The following NDUFAF7 variants were observed in gnomAD, a reference collection of about 807,000 sequenced individuals.
The protein encoded by NDUFAF7 is NADH:ubiquinone oxidoreductase complex assembly factor 7.
A neutral mutation model predicts 47.2 loss-of-function variants in NDUFAF7; 48 were observed. That is an observed-to-expected ratio of 1.02 (90% CI 0.81 to 1.29). NDUFAF7 has a LOEUF of 1.29. NDUFAF7 is among the 50% of genes most tolerant of loss of function. The probability of loss-of-function intolerance (pLI) is 0.00; values close to 1 mark genes in which losing one functional copy is unlikely to be tolerated. For missense variants in NDUFAF7, 635 were observed against 537.6 expected (o/e 1.18, Z -1.79); for synonymous variants, 217 against 190.0 (o/e 1.14, Z -1.17).
At chr2:37,268,485 C>T in the NDUFAF7 span, 4 of 376,854 alleles carry the variant, frequency 1.1e-5, no homozygotes, top group African/African-American at 8.6e-5. Context: ...ATCCAGACAT[C>T]TCACAGCCAA....
Position 37,239,120 on chromosome 2 carries a change from T to C in NDUFAF7, c.408+1253T>C, listed in dbSNP as rs968094529. ...TTAGTACATCCTTTTTTCTTTCTCT[T>C]TTTTTTTTTTTTTTTTGAGACACAG... On this transcript the variant is annotated intron_variant, in intron 4 of 9. Transcript: ENST00000002125. 2.2e-3 allele frequency among the ~76,000 whole-genome samples: 230 copies of C among 106,034 alleles called. 1 individual carries two copies. Among genetic ancestry groups the C allele is most frequent in the African/African-American group, 7.2e-3 (206 of 28,498 alleles). The allele number at this position is 106,034 out of a possible 152,430, so 69.6% of individuals were successfully genotyped here. A position where few individuals can be genotyped will look rare whatever the true frequency, so the allele number is the denominator to read the frequency against.
In NDUFAF7 at chr2:37,248,378, A is replaced by C. The variant is rs374735256; in HGVS notation, c.*28A>C. ...TTTCAGCTTGGACATTTTACCCTTC[A>C]GTCGGCCCAAGAAATCAAAATAAAG... On this transcript the variant is annotated 3_prime_UTR_variant, in exon 10 of 10. Coordinates refer to ENST00000002125, the MANE Select transcript of NDUFAF7 (RefSeq NM_144736.5). 2 of 1,582,974 alleles carry C rather than the reference A, an allele frequency of 1.3e-6. No individual in the cohort carries two copies. Among genetic ancestry groups the C allele is most frequent in the African/African-American group, 1.3e-5 (1 of 74,112 alleles).
chr2:37,249,863 C>T (rs954824955), downstream of NDUFAF7, among the ~76,000 whole-genome samples: 20 of 151,892 alleles, frequency 1.3e-4, no homozygotes, highest in Admixed American at 2.6e-4. Context: ...CTTGAATTTA[C>T]GGCTTAACTG....
the NDUFAF7 span, among the ~76,000 whole-genome samples, chr2:37,266,604 A>T: frequency 2.6e-5 from 4 of 151,996 alleles, no homozygotes; most frequent in African/African-American, 4.8e-5. Flanking sequence ...CTCCTGCCTC[A>T]GCCTCCTGAG....
At chr2:37,255,918 G>A (rs1034372537), downstream of NDUFAF7, among the ~76,000 whole-genome samples, 6 of 152,158 alleles carry the variant, frequency 3.9e-5, no homozygotes, top group African/African-American at 1.4e-4. Context: ...GGAGGCTGAG[G>A]TGGGAGGATC....
At chr2:37,246,026 G>T in intron 7 of NDUFAF7, 26 bp from the exon 8 acceptor site, 1 of 1,612,374 alleles carries the variant, frequency 6.2e-7, no homozygotes, top group Non-Finnish European at 8.5e-7. Context: ...GATGCATTTT[G>T]ACTCTTGCAA....
intron 4 of NDUFAF7, 137 bp downstream of exon 4, chr2:37,238,004 G>A: frequency 4.2e-6 from 3 of 720,546 alleles, no homozygotes; most frequent in South Asian, 1.6e-5. Context: ...TCAGAATAAT[G>A]TAATCAGTCA....
chr2:37,237,725 TTAATA>T (rs749796504), intron 3 of NDUFAF7, 27 bp from the exon 4 acceptor site: 6 of 1,441,932 alleles, frequency 4.2e-6, no homozygotes, highest in South Asian at 1.1e-5. Flanking sequence ...TTATAATACT[TTAATA>T]TGTGTTTTTT....
the NDUFAF7 span, chr2:37,260,462 T>G: frequency 1.1e-5 from 14 of 1,298,454 alleles, no homozygotes; most frequent in African/African-American, 1.5e-5. Flanking sequence ...GCTATGATTG[T>G]CTGAAATGGC....
chr2:37,237,844 A>G lies in NDUFAF7; in HGVS notation c.385A>G (p.Thr129Ala). Reference protein sequence around the residue: ...QLVELGPGRGTLVGDILRVFT... With the variant: ...QLVELGPGRGALVGDILRVFT... ...GGTGGAACTGGGCCCAGGTAGGGGA[A>G]CCCTCGTGGGAGATATTTTGAGGGT... Residue 129 changes from threonine to alanine, a missense_variant, in exon 4 of 10, where the codon ACC becomes GCC. Thr to Ala is a moderately conservative substitution (Grantham distance 58). Transcript: ENST00000002125. The G allele has an allele frequency of 6.2e-7, 1 of 1,611,244 alleles. No individual in the cohort carries two copies. Among genetic ancestry groups the G allele is most frequent in the Non-Finnish European group, 8.5e-7 (1 of 1,177,602 alleles).
downstream of NDUFAF7, chr2:37,256,628 ATTTTTTTT>A (rs56389006): frequency 0.028 from 33,217 of 1,181,034 alleles, 109 homozygotes; most frequent in East Asian, 0.062. Flanking sequence ...CATAGCCAAA[ATTTTTTTT>A]TTTTTTTTTT....
At chr2:37,267,574 C>A in the NDUFAF7 span, 1 of 1,425,494 alleles carries the variant, frequency 7.0e-7, no homozygotes, top group Non-Finnish European at 9.8e-7. Flanking sequence ...ATGAAGCAAA[C>A]TGACAGCTTT....
chr2:37,265,359 TAA>T, the NDUFAF7 span, among the ~76,000 whole-genome samples: 2 of 152,228 alleles, frequency 1.3e-5, no homozygotes, highest in East Asian at 1.9e-4. Context: ...GTGTGATTTT[TAA>T]AAAGATTCCT....
At chr2:37,264,076 C>T in the NDUFAF7 span, among the ~76,000 whole-genome samples, 3 of 152,134 alleles carry the variant, frequency 2.0e-5, no homozygotes, top group Non-Finnish European at 2.9e-5. Flanking sequence ...TTTACATTAC[C>T]ACATAATCTA....
chr2:37,240,498 TA>T (rs971003339), intron 4 of NDUFAF7, among the ~76,000 whole-genome samples: 13 of 151,832 alleles, frequency 8.6e-5, no homozygotes, highest in African/African-American at 3.1e-4. Flanking sequence ...TTAAAGGATT[TA>T]AAAAATATAT....
rs544413372 is a variant in NDUFAF7 at position 37,232,377 on chromosome 2, G to C, written c.216+111G>C. On this transcript the variant is annotated intron_variant, in intron 2 of 9. Transcript: ENST00000002125. ...GCCCAGGCAGTGGGGGTGCCTGCCA[G>C]GGGAAGAGCCATTTCTGAGGACCTG... The C allele has an allele frequency of 5.8e-5, 81 of 1,395,592 alleles. No homozygotes were observed. The Admixed American group carries it at 1.3e-3, about 22-fold the overall frequency. 86.5% of individuals were successfully genotyped at this position (1,395,592 alleles called of 1,614,324 possible).
downstream of NDUFAF7, chr2:37,254,333 G>A: frequency 6.8e-7 from 1 of 1,479,144 alleles, no homozygotes; most frequent in Non-Finnish European, 9.5e-7. Flanking sequence ...TGGGTGCACA[G>A]AGTACCCCAA....
chr2:37,269,431 C>A, the NDUFAF7 span: 1 of 578,040 alleles, frequency 1.7e-6, no homozygotes. Context: ...TTAAAGTTTG[C>A]AATGACATTA....
intron 4 of NDUFAF7, among the ~76,000 whole-genome samples, chr2:37,238,326 G>A (rs758056014): frequency 5.3e-5 from 8 of 152,134 alleles, no homozygotes; most frequent in Non-Finnish European, 1.0e-4. Flanking sequence ...CTACTCAGGA[G>A]GCTGAGGCAG....
Sources: allele counts gnomAD v4.1 joint callset (sites outside exome capture counted in the v4.1 genomes callset), GRCh38; gene constraint gnomAD v4.1.1; transcripts MANE v1.5; gene names NCBI Gene and HGNC (gene_info 2026-07-23, HGNC 2026-07-21).